MICU3: variants seen among roughly 807,000 people sequenced by gnomAD.
MICU3 encodes the protein mitochondrial calcium uptake 3, also known as calcium uptake protein 3, mitochondrial.
A neutral mutation model predicts 66.5 loss-of-function variants in MICU3; 62 were observed. That is an observed-to-expected ratio of 0.93 (90% CI 0.76 to 1.15). The LOEUF is 1.15. Ranked by LOEUF, MICU3 falls within the 50% of genes most tolerant of loss-of-function variation. The pLI, the probability that MICU3 is intolerant of heterozygous loss-of-function variation, is 0.00. For missense variants in MICU3, 779 were observed against 664.4 expected, an observed-to-expected ratio of 1.17 and a Z score of -1.90; for synonymous variants, 308 against 240.7, an observed-to-expected ratio of 1.28 and a Z score of -2.59.
rs184092010 is a variant in MICU3 at position 17,082,921 on chromosome 8, C to T, written c.694+1181C>T. Among the ~76,000 whole-genome samples the T allele has an allele frequency of 6.6e-5, 10 of 152,202 alleles. No homozygotes were observed. The East Asian group carries it at 1.7e-3, about 26-fold the overall frequency. ...TGTATTTCAAAAAATATTTTTTTCT[C>T]TTGGACTTGTCACCTTGCTCACTGA... On this transcript the variant is annotated intron_variant, in intron 5 of 14. Coordinates refer to ENST00000318063, the MANE Select transcript of MICU3 (RefSeq NM_181723.3).
intron 11 of MICU3, among the ~76,000 whole-genome samples, chr8:17,105,820 A>G (rs11989486): frequency 0.13 from 20,214 of 151,998 alleles, 1,501 homozygotes; most frequent in South Asian, 0.28. Flanking sequence ...GCTACTACCA[A>G]TTGTTTTATT....
chr8:17,044,113 A>G (rs1814669066), intron 1 of MICU3, among the ~76,000 whole-genome samples: 2 of 152,204 alleles, frequency 1.3e-5, no homozygotes, highest in South Asian at 4.1e-4. Context: ...CTTTGTTCCT[A>G]TACCCACACC....
chr8:17,091,099 G>T (rs750211326), intron 8 of MICU3, among the ~76,000 whole-genome samples: 1 of 151,888 alleles, frequency 6.6e-6, no homozygotes, highest in Admixed American at 6.6e-5. Flanking sequence ...GGTGTAAGCT[G>T]CTACTTGATA....
rs1337622191 is a variant in MICU3, at chr8:17,115,141, A to G, written c.1366+940A>G. ...CTCAAAAAAAAAAAAAAAACCCCAG[A>G]GGACAGGCTATTATTATGTTCTAGA... On this transcript the variant is annotated intron_variant, in intron 12 of 14. Coordinates refer to ENST00000318063, the MANE Select transcript of MICU3 (RefSeq NM_181723.3). 1.7e-4 allele frequency among the ~76,000 whole-genome samples: 25 copies of G among 151,124 alleles called. No homozygotes were observed. In the East Asian group the frequency reaches 3.9e-3, roughly 24 times the overall value.
At chr8:17,063,310 A>G (rs571656404) in intron 1 of MICU3, among the ~76,000 whole-genome samples, 17 of 152,308 alleles carry the variant, frequency 1.1e-4, no homozygotes, top group Non-Finnish European at 2.4e-4. Context: ...TGAAGCATGT[A>G]TGGTAAAATC....
chr8:17,125,675 T>A (rs780642962), downstream of MICU3, among the ~76,000 whole-genome samples: 19 of 152,160 alleles, frequency 1.2e-4, no homozygotes, highest in African/African-American at 4.6e-4. Context: ...GAAAGAAATC[T>A]TGAAGCCCCT....
chr8:17,050,788 G>C (rs1815940789), intron 1 of MICU3, among the ~76,000 whole-genome samples: 2 of 152,112 alleles, frequency 1.3e-5, no homozygotes, highest in South Asian at 4.1e-4. Context: ...ATGTTTAACA[G>C]TGACTCTTGT....
the MICU3 span, chr8:17,131,146 A>C: frequency 6.6e-6 from 1 of 152,230 alleles, no homozygotes; most frequent in Non-Finnish European, 1.5e-5. Flanking sequence ...AGAAATGATT[A>C]GAATAATGGC....
intron 1 of MICU3, chr8:17,049,670 T>C (rs1205339487): frequency 2.1e-5 from 11 of 515,048 alleles, no homozygotes; most frequent in South Asian, 1.6e-4. Context: ...TAACAAGTTG[T>C]GTAATGTGAA....
At chr8:17,030,627 G>T (rs931567790) in intron 1 of MICU3, among the ~76,000 whole-genome samples, 2 of 152,200 alleles carry the variant, frequency 1.3e-5, no homozygotes, top group South Asian at 4.1e-4. Flanking sequence ...GAGATGGGAG[G>T]TGTAGTAGTC....
the MICU3 span, among the ~76,000 whole-genome samples, chr8:17,136,599 T>G: frequency 6.6e-6 from 1 of 152,098 alleles, no homozygotes; most frequent in Non-Finnish European, 1.5e-5. Context: ...TTCCTAGGAT[T>G]CTTGGCTACC....
chr8:17,038,951 T>G (rs968934680), intron 1 of MICU3, among the ~76,000 whole-genome samples: 1 of 100,506 alleles, frequency 9.9e-6, no homozygotes, highest in Non-Finnish European at 1.7e-5. Context: ...AGACTCTGTC[T>G]CAAAAAAAAA....
At chr8:17,065,614 G>A (rs931649969) in intron 2 of MICU3, among the ~76,000 whole-genome samples, 1 of 152,280 alleles carries the variant, frequency 6.6e-6, no homozygotes, top group Admixed American at 6.5e-5. Context: ...CATGGAAGCC[G>A]AGTAAAATAG....
chr8:17,099,490 C>A (rs1037805724), intron 9 of MICU3, among the ~76,000 whole-genome samples: 2 of 151,746 alleles, frequency 1.3e-5, no homozygotes, highest in African/African-American at 2.4e-5. Context: ...AGGGCAAACA[C>A]TTGAAAATGT....
chr8:17,137,090 T>G, the MICU3 span, among the ~76,000 whole-genome samples: 1 of 152,068 alleles, frequency 6.6e-6, no homozygotes, highest in Non-Finnish European at 1.5e-5. Flanking sequence ...CCCAAAGTGC[T>G]GGGATTACAG....
chr8:17,035,376 A>C (rs1431975786), intron 1 of MICU3, among the ~76,000 whole-genome samples: 1 of 152,250 alleles, frequency 6.6e-6, no homozygotes, highest in Admixed American at 6.5e-5. Context: ...TGGAGGGCTT[A>C]GAAGAAAACA....
chr8:17,054,047 A>G (rs1816518081), intron 1 of MICU3, among the ~76,000 whole-genome samples: 1 of 152,232 alleles, frequency 6.6e-6, no homozygotes. Context: ...TTTCTGCAGG[A>G]GCTTTGCAAG....
chr8:17,137,863 C>A, the MICU3 span, among the ~76,000 whole-genome samples: 1 of 151,348 alleles, frequency 6.6e-6, no homozygotes, highest in Non-Finnish European at 1.5e-5. Flanking sequence ...ACTACAGGTG[C>A]GCACCACCAC....
intron 6 of MICU3, among the ~76,000 whole-genome samples, chr8:17,086,639 C>CA (rs2150743735): frequency 1.3e-5 from 2 of 152,224 alleles, no homozygotes; most frequent in South Asian, 4.1e-4. Context: ...TCCATACTGC[C>CA]AAGTTCCATC....
Sources: allele counts gnomAD v4.1 joint callset (sites outside exome capture counted in the v4.1 genomes callset), GRCh38; gene constraint gnomAD v4.1.1; transcripts MANE v1.5; gene names NCBI Gene and HGNC (gene_info 2026-07-23, HGNC 2026-07-21).